Variants in PHC2 observed in about 807,000 individuals in gnomAD.
PHC2 encodes polyhomeotic-like protein 2.
Under a neutral mutation model 87.4 loss-of-function variants are expected in PHC2, and 29 were observed. The ratio of observed to expected loss-of-function variants is 0.33; its 90% CI spans 0.25 to 0.45. The LOEUF (loss-of-function observed/expected upper bound fraction) is 0.45. Ranked by LOEUF, PHC2 falls within the 20% of genes least tolerant of loss-of-function variation. The probability of loss-of-function intolerance (pLI) is 1.00; values close to 1 mark genes in which losing one functional copy is unlikely to be tolerated. For synonymous variants in PHC2, 438 were observed against 461.7 expected (o/e 0.95, Z 0.66); for missense variants, 857 against 1,136.7 (o/e 0.75, Z 3.54).
chr1:33,331,579 T>G lies in PHC2; in HGVS notation c.1892-117A>C, dbSNP rs1348574587. 1 of 657,148 alleles carries G rather than the reference T, an allele frequency of 1.5e-6. No individual in the cohort carries two copies. The highest frequency in any genetic ancestry group is 2.8e-6 in the Non-Finnish European group (1 of 360,736). 40.7% of individuals were successfully genotyped at this position (657,148 alleles called of 1,614,324 possible). A position where few individuals can be genotyped will look rare whatever the true frequency, so the allele number is the denominator to read the frequency against. On this transcript the variant is annotated intron_variant, in intron 11 of 14. Coordinates refer to ENST00000683057, the MANE Select transcript of PHC2 (RefSeq NM_001385109.1). This position sits in a 1 kb window ranked among gnomAD's most constrained non-coding sequence, Gnocchi z 5.2. Reference sequence around the variant, plus strand: ...CCTGGTCCTCCTGCTCCCACAGCTGTGACATACAGCAGCATTCTAGCATGG... The same window carrying G: ...CCTGGTCCTCCTGCTCCCACAGCTGGGACATACAGCAGCATTCTAGCATGG...
chr1:33,370,016 G>A (rs1481752354), intron 5 of PHC2, among the ~76,000 whole-genome samples: 1 of 152,136 alleles, frequency 6.6e-6, no homozygotes, highest in East Asian at 1.9e-4. Flanking sequence ...AGTTAGAGGT[G>A]GCCAGTCCTT....
intron 14 of PHC2, chr1:33,325,235 T>C: frequency 1.8e-6 from 1 of 542,580 alleles, no homozygotes. Flanking sequence ...CCTCCTCCTA[T>C]GTTCCCCTGT....
At chr1:33,387,671 G>A (rs1157463621) in intron 1 of PHC2, among the ~76,000 whole-genome samples, 5 of 152,130 alleles carry the variant, frequency 3.3e-5, no homozygotes, top group Admixed American at 6.5e-5. Flanking sequence ...GTAACTTATC[G>A]GAGCCCCAGA....
At chr1:33,333,253 G>A (rs1646545047) in intron 10 of PHC2, 1 of 152,250 alleles carries the variant, frequency 6.6e-6, no homozygotes, top group African/African-American at 2.4e-5. Flanking sequence ...TACAGGAGCA[G>A]TTCACCCATC....
chr1:33,396,156 C>T (rs1485681917), intron 1 of PHC2, among the ~76,000 whole-genome samples: 1 of 152,222 alleles, frequency 6.6e-6, no homozygotes, highest in Non-Finnish European at 1.5e-5. Flanking sequence ...GCTTAAGAGC[C>T]TCTATTCAGC....
chr1:33,336,107 G>T (rs201393907), intron 9 of PHC2, among the ~76,000 whole-genome samples: 1 of 151,696 alleles, frequency 6.6e-6, no homozygotes, highest in East Asian at 2.0e-4. Context: ...TCCTGCCTTG[G>T]CCTCCTGAGT....
At chr1:33,395,826 T>C (rs574355853) in intron 1 of PHC2, among the ~76,000 whole-genome samples, 128 of 152,228 alleles carry the variant, frequency 8.4e-4, no homozygotes, top group South Asian at 1.9e-3. Flanking sequence ...TACTATAGGG[T>C]CCCTAAATCT....
At chr1:33,357,564 C>G (rs1647114404) in intron 7 of PHC2, among the ~76,000 whole-genome samples, 1 of 152,144 alleles carries the variant, frequency 6.6e-6, no homozygotes, top group South Asian at 2.1e-4. Flanking sequence ...AACTTGGACA[C>G]CAGTGTGATG....
Position 33,324,748 on chromosome 1 carries a change from C to T in PHC2, c.*117G>A, listed in dbSNP as rs939560192. 4.3e-6 allele frequency: 5 copies of T among 1,161,620 alleles called. No homozygotes were observed. In the Admixed American group the frequency reaches 9.9e-5, roughly 23 times the overall value. 72.0% of individuals were successfully genotyped at this position (1,161,620 alleles called of 1,614,324 possible). The stretch of plus-strand genomic sequence containing the variant: ...CCAGACCTCCTCACCAGCTATGCCC[C>T]TAGGGAGAGCCCCTGCCCTCCAACC... On this transcript the variant is annotated 3_prime_UTR_variant, in exon 15 of 15. Coordinates refer to ENST00000683057, the MANE Select transcript of PHC2 (RefSeq NM_001385109.1).
chr1:33,405,184 CT>C (rs533085133), intron 1 of PHC2, among the ~76,000 whole-genome samples: 5,018 of 141,866 alleles, frequency 0.035, 83 homozygotes, highest in South Asian at 0.13. Flanking sequence ...GATTTGTAGT[CT>C]TTTTTTTTTT....
At chr1:33,372,554 C>T in intron 2 of PHC2, 107 bp from the exon 3 acceptor site, 3 of 967,906 alleles carry the variant, frequency 3.1e-6, no homozygotes, top group Non-Finnish European at 4.2e-6. Flanking sequence ...GCTCGGGAGA[C>T]ACCAAGATCT....
intron 1 of PHC2, among the ~76,000 whole-genome samples, chr1:33,424,731 C>T (rs563964567): frequency 2.2e-4 from 33 of 152,192 alleles, no homozygotes; most frequent in Admixed American, 2.0e-3. Context: ...TAATATTTTT[C>T]TAAGGGCATC....
intron 1 of PHC2, among the ~76,000 whole-genome samples, chr1:33,410,785 T>C (rs184324794): frequency 3.6e-4 from 55 of 152,330 alleles, no homozygotes; most frequent in Non-Finnish European, 5.1e-4. Context: ...CATTTAAGCA[T>C]TGATTTTAAA....
chr1:33,377,618 C>T (rs544887468), intron 1 of PHC2, among the ~76,000 whole-genome samples: 124 of 152,002 alleles, frequency 8.2e-4, no homozygotes, highest in South Asian at 1.9e-3. Flanking sequence ...TTCCTTCCTA[C>T]ATGGAAAAAT....
At chr1:33,427,553 T>C (rs1158456129) in intron 1 of PHC2, among the ~76,000 whole-genome samples, 1 of 152,136 alleles carries the variant, frequency 6.6e-6, no homozygotes, top group Non-Finnish European at 1.5e-5. Flanking sequence ...TTCTCTCTCA[T>C]GTGGCTTTTC....
At chr1:33,427,420 CT>C (rs1490883705) in intron 1 of PHC2, among the ~76,000 whole-genome samples, 5 of 152,176 alleles carry the variant, frequency 3.3e-5, no homozygotes, top group African/African-American at 1.2e-4. Flanking sequence ...GAAAATTAAT[CT>C]TCCGCTTGAC....
In PHC2 at chr1:33,355,135, C is replaced by T. The variant is rs537365784; in HGVS notation, c.1095G>A (p.Gln365=). 8.7e-6 allele frequency: 14 copies of T among 1,611,498 alleles called. No homozygotes were observed. The East Asian group carries it at 2.9e-4, about 33-fold the overall frequency. ...GCTCAGCTTGGAGCACAGGCCGTGA[C>T]TGCTGGGGCGGCGGCTGCTGCTGTT... The part of the protein sequence containing the change: ...QPQQQQPPPQ[Q]SRPVLQAEPH... The change falls in exon 8 of 15, where the codon CAG becomes CAA. Residue 365 remains glutamine, a synonymous_variant. Transcript: ENST00000683057.
At chr1:33,402,629 T>A (rs982805096) in intron 1 of PHC2, among the ~76,000 whole-genome samples, 6 of 152,144 alleles carry the variant, frequency 3.9e-5, no homozygotes, top group Admixed American at 3.9e-4. Flanking sequence ...GAAAATGACA[T>A]ACAATCTCAG....
intron 7 of PHC2, among the ~76,000 whole-genome samples, chr1:33,357,351 A>G (rs1647109860): frequency 6.6e-6 from 1 of 152,212 alleles, no homozygotes; most frequent in African/African-American, 2.4e-5. Context: ...GTCTGTTCAC[A>G]TGCAAGTTTT....
Sources: allele counts gnomAD v4.1 joint callset (sites outside exome capture counted in the v4.1 genomes callset), GRCh38; gene constraint gnomAD v4.1.1; non-coding constraint Gnocchi (gnomAD v3.1); transcripts MANE v1.5; gene names NCBI Gene and HGNC (gene_info 2026-07-23, HGNC 2026-07-21).